The following MACROD2 variants were observed in gnomAD, a reference collection of about 807,000 sequenced individuals.
MACROD2 encodes mono-ADP ribosylhydrolase 2.
In MACROD2, 36 loss-of-function variants were observed where a neutral mutation model predicts 70.4. The observed-to-expected ratio is 0.51, with a 90% CI of 0.39 to 0.68. MACROD2 has a LOEUF of 0.68. Ranked by LOEUF, MACROD2 falls within the 30% of genes least tolerant of loss-of-function variation. MACROD2 has a pLI of 0.00. For missense variants in MACROD2, 496 were observed against 538.4 expected (o/e 0.92, Z 0.78); for synonymous variants, 172 against 178.8 (o/e 0.96, Z 0.30).
intron 3 of MACROD2, among the ~76,000 whole-genome samples, chr20:14,089,733 TC>T: frequency 6.6e-6 from 1 of 152,254 alleles, no homozygotes; most frequent in South Asian, 2.1e-4. Flanking sequence ...ATTCAGGTTA[TC>T]ATAACCAAGG....
intron 12 of MACROD2, among the ~76,000 whole-genome samples, chr20:15,945,187 C>T (rs2065804912): frequency 6.6e-6 from 1 of 152,152 alleles, no homozygotes. Flanking sequence ...TCAAGGTGTT[C>T]CTGGTACACA....
At chr20:15,239,239 T>TA (rs1212508526) in intron 6 of MACROD2, among the ~76,000 whole-genome samples, 1 of 151,114 alleles carries the variant, frequency 6.6e-6, no homozygotes, top group East Asian at 1.9e-4. Flanking sequence ...AAGCTATTCT[T>TA]AAGGTGTTGA....
intron 5 of MACROD2, among the ~76,000 whole-genome samples, chr20:14,869,017 A>G (rs1195020430): frequency 1.3e-5 from 2 of 152,172 alleles, no homozygotes; most frequent in Non-Finnish European, 2.9e-5. Context: ...AGGAACTCCA[A>G]AAGATCACAA....
At chr20:14,230,654 T>TATATATATATATATATATAA in intron 3 of MACROD2, among the ~76,000 whole-genome samples, 1 of 74,240 alleles carries the variant, frequency 1.3e-5, no homozygotes, top group African/African-American at 6.8e-5. Flanking sequence ...TATATATATA[T>TATATATATATATATATATAA]AACACAGGCT....
chr20:15,570,791 C>T (rs574508941), intron 8 of MACROD2, among the ~76,000 whole-genome samples: 8 of 152,186 alleles, frequency 5.3e-5, no homozygotes, highest in Non-Finnish European at 8.8e-5. Context: ...GGTCACATGC[C>T]CGGCCCTGAA....
intron 3 of MACROD2, among the ~76,000 whole-genome samples, chr20:14,119,551 C>G (rs2054557554): frequency 6.6e-6 from 1 of 151,928 alleles, no homozygotes; most frequent in Non-Finnish European, 1.5e-5. Context: ...TGGATTGACA[C>G]TAAAAAAAAT....
chr20:14,178,145 C>A (rs992807110), intron 3 of MACROD2, among the ~76,000 whole-genome samples: 3 of 151,828 alleles, frequency 2.0e-5, no homozygotes, highest in Admixed American at 2.0e-4. Flanking sequence ...GGCTGATATC[C>A]CTAATACATA....
intron 6 of MACROD2, among the ~76,000 whole-genome samples, chr20:15,354,520 A>G (rs2078264691): frequency 6.6e-6 from 1 of 152,206 alleles, no homozygotes; most frequent in Non-Finnish European, 1.5e-5. Flanking sequence ...ACACTCATTC[A>G]GTATTGGAGA....
intron 13 of MACROD2, among the ~76,000 whole-genome samples, chr20:15,982,289 A>G (rs896231403): frequency 2.0e-5 from 3 of 152,190 alleles, no homozygotes; most frequent in African/African-American, 7.2e-5. Context: ...CTAGGCATTT[A>G]TAATAACTAT....
intron 8 of MACROD2, among the ~76,000 whole-genome samples, chr20:15,823,256 TAGC>T (rs1032220342): frequency 8.7e-5 from 13 of 149,720 alleles, no homozygotes; most frequent in African/African-American, 1.7e-4. Flanking sequence ...AAATATAAGA[TAGC>T]AGCAGGTGAG....
intron 5 of MACROD2, among the ~76,000 whole-genome samples, chr20:14,696,180 A>G (rs938147621): frequency 2.0e-5 from 3 of 152,032 alleles, no homozygotes; most frequent in African/African-American, 7.3e-5. Context: ...AGATAGATAG[A>G]TAGATCGATA....
chr20:14,161,719 G>C (rs2055192792), intron 3 of MACROD2, among the ~76,000 whole-genome samples: 1 of 151,968 alleles, frequency 6.6e-6, no homozygotes, highest in Non-Finnish European at 1.5e-5. Context: ...TGGGACTACA[G>C]GTACGCGCCA....
chr20:15,443,065 T>C (rs1314586973), intron 7 of MACROD2, among the ~76,000 whole-genome samples: 1 of 152,144 alleles, frequency 6.6e-6, no homozygotes, highest in Non-Finnish European at 1.5e-5. Context: ...AATCAATACA[T>C]TGAGAATGAA....
At chr20:16,023,284 G>A (rs1232888113) in intron 15 of MACROD2, among the ~76,000 whole-genome samples, 1 of 151,834 alleles carries the variant, frequency 6.6e-6, no homozygotes, top group Non-Finnish European at 1.5e-5. Context: ...GACTGTCCTG[G>A]CTAACACGGT....
At chr20:14,575,017 C>CAAAAAAAAAAAAA (rs1195216470) in intron 4 of MACROD2, among the ~76,000 whole-genome samples, 30 of 49,926 alleles carry the variant, frequency 6.0e-4, no homozygotes, top group African/African-American at 1.7e-3. Flanking sequence ...GACTCTGTCT[C>CAAAAAAAAAAAAA]AAAAAAAAAA....
intron 8 of MACROD2, among the ~76,000 whole-genome samples, chr20:15,664,725 C>T (rs1345941734): frequency 6.6e-6 from 1 of 152,088 alleles, no homozygotes; most frequent in Non-Finnish European, 1.5e-5. Context: ...ATGGTGTTGA[C>T]AGAAGTACAA....
At chr20:14,217,405 T>C (rs979021198) in intron 3 of MACROD2, among the ~76,000 whole-genome samples, 1 of 152,192 alleles carries the variant, frequency 6.6e-6, no homozygotes, top group Non-Finnish European at 1.5e-5. Context: ...TAGATTCGGT[T>C]AGCAAGTATT....
chr20:15,325,153 C>T (rs1378568730), intron 6 of MACROD2, among the ~76,000 whole-genome samples: 1 of 152,078 alleles, frequency 6.6e-6, no homozygotes, highest in Non-Finnish European at 1.5e-5. Flanking sequence ...TGATAACATA[C>T]AATCTTTCAC....
intron 5 of MACROD2, among the ~76,000 whole-genome samples, chr20:14,955,596 A>G (rs1298309611): frequency 6.6e-6 from 1 of 151,972 alleles, no homozygotes; most frequent in African/African-American, 2.4e-5. Context: ...TCATTCTGCA[A>G]CCTCATCTAC....
Sources: allele counts gnomAD v4.1 joint callset (sites outside exome capture counted in the v4.1 genomes callset), GRCh38; gene constraint gnomAD v4.1.1; transcripts MANE v1.5; gene names NCBI Gene and HGNC (gene_info 2026-07-23, HGNC 2026-07-21).